Variants in DENND2D observed in about 807,000 individuals in gnomAD.
DENND2D encodes DENN domain containing 2D, also known as DENN domain-containing protein 2D.
DENND2D carries 37 observed loss-of-function variants against 59.8 expected under a neutral mutation model. That is an observed-to-expected ratio of 0.62 (90% CI 0.48 to 0.81). The LOEUF is 0.81. DENND2D is among the 40% of genes least tolerant of loss of function. The pLI is 0.00. For missense variants in DENND2D, 525 were observed against 579.7 expected (o/e 0.91, Z 0.97); for synonymous variants, 219 against 211.3 (o/e 1.04, Z -0.31).
At chr1:111,197,499 C>T (rs1439041889) in intron 4 of DENND2D, 4 of 1,406,340 alleles carry the variant, frequency 2.8e-6, no homozygotes, top group Non-Finnish European at 3.7e-6. Context: ...AGAGGGGTAG[C>T]AAGTGTGCCT....
chr1:111,193,201 C>T (rs1657937683), intron 7 of DENND2D, among the ~76,000 whole-genome samples: 1 of 152,202 alleles, frequency 6.6e-6, no homozygotes, highest in Non-Finnish European at 1.5e-5. Context: ...TTCTGGGTTT[C>T]AAGCTGGCAC....
At chr1:111,189,130 G>A (rs566764638) in intron 9 of DENND2D, 82 bp downstream of exon 9, 1 of 1,497,716 alleles carries the variant, frequency 6.7e-7, no homozygotes, top group Non-Finnish European at 9.3e-7. Flanking sequence ...TTAAATGTTT[G>A]TTTAAATAAG....
chr1:111,200,770 A>G, upstream of DENND2D: 10 of 1,172,554 alleles, frequency 8.5e-6, no homozygotes, highest in South Asian at 1.7e-4. Context: ...ATGAGCAAAC[A>G]CCTCTGGCTG....
chr1:111,204,208 G>T, upstream of DENND2D: 2 of 1,320,008 alleles, frequency 1.5e-6, no homozygotes, highest in Non-Finnish European at 9.8e-7. Context: ...GCCCCGTGCC[G>T]CCCTCCACCG....
Position 111,200,500 on chromosome 1 carries a change from A to T in DENND2D, c.-41T>A, listed in dbSNP as rs1658699490. 9 of 1,577,482 alleles carry T rather than the reference A, an allele frequency of 5.7e-6. No individual in the cohort carries two copies. In the African/African-American group the frequency reaches 1.1e-4, roughly 19 times the overall value. On this transcript the variant is annotated 5_prime_UTR_variant, in exon 1 of 12. An upstream open reading frame in the 5' UTR gains an earlier in-frame stop. Transcript: ENST00000357640. The stretch of plus-strand genomic sequence containing the variant: ...ACAGAGCGGACTCCCCTCTCCCCTA[A>T]CACAGACAGACTGGTGACAGTAAGC...
chr1:111,191,858 A>G (rs1035340011), intron 8 of DENND2D, among the ~76,000 whole-genome samples: 9 of 152,184 alleles, frequency 5.9e-5, no homozygotes, highest in African/African-American at 1.9e-4. Flanking sequence ...TGAATAAGCT[A>G]TCCACTGCCC....
chr1:111,194,664 C>G lies in DENND2D; in HGVS notation c.708G>C (p.Leu236Phe), dbSNP rs1191120509. Residue 236 changes from leucine to phenylalanine, a missense_variant, in exon 7 of 12, where the codon TTG becomes TTC. Coordinates refer to ENST00000357640, the MANE Select transcript of DENND2D (RefSeq NM_024901.5). ...GTATCTGTTCAAAACTGAGACAGTG[C>G]AATAGAGAACTAAAATCCACATGTT... The part of the protein sequence containing the change: ...HLEHVDFSSL[L>F]HCLSFEQILQ... The G allele has an allele frequency of 1.2e-6, 2 of 1,613,770 alleles. No homozygotes were observed. The highest frequency in any genetic ancestry group is 2.7e-5 in the African/African-American group (2 of 74,820).
chr1:111,192,350 G>A (rs777966206), intron 7 of DENND2D, 33 bp from the exon 8 acceptor site: 1 of 1,529,312 alleles, frequency 6.5e-7, no homozygotes, highest in Non-Finnish European at 8.9e-7. Flanking sequence ...AGAGTCAGGG[G>A]GCCCCTGCAC....
intron 6 of DENND2D, 163 bp downstream of exon 6, chr1:111,195,753 T>G (rs916251707): frequency 1.3e-5 from 12 of 955,464 alleles, no homozygotes; most frequent in Non-Finnish European, 1.7e-5. Context: ...GATCAGAAAA[T>G]CTGGGTTTGA....
chr1:111,191,992 C>G (rs1657818168), intron 8 of DENND2D, 148 bp downstream of exon 8: 10 of 786,874 alleles, frequency 1.3e-5, no homozygotes, highest in Non-Finnish European at 1.7e-5. Context: ...GAAGTGAACA[C>G]TGTTATCCCC....
Position 111,188,771 on chromosome 1 carries a change from C to G in DENND2D, c.1030G>C (p.Asp344His), listed in dbSNP as rs1208294678. 1 of 1,613,914 alleles carries G rather than the reference C, an allele frequency of 6.2e-7. No homozygotes were observed. Among genetic ancestry groups the G allele is most frequent in the Non-Finnish European group, 8.5e-7 (1 of 1,179,992 alleles). The stretch of plus-strand genomic sequence containing the variant: ...TCCTGAAGCTTCGGTGGCAGGATGT[C>G]TTTTTCATCACCAACCTAGAAGAGG... ...TFLMSVGDEK[D>H]ILPPKLQDDI... The change falls in exon 10 of 12, where the codon GAC (aspartate) becomes CAC (histidine). Residue 344 changes from aspartate to histidine, a missense_variant. Physicochemically the swap from Asp to His is moderately conservative, Grantham distance 81 (BLOSUM62 -1). Transcript: ENST00000357640.
chr1:111,199,742 G>A lies in DENND2D; in HGVS notation c.124C>T (p.His42Tyr), dbSNP rs1286882774. 1.2e-6 allele frequency: 2 copies of A among 1,614,028 alleles called. No homozygotes were observed. Among genetic ancestry groups the A allele is most frequent in the East Asian group, 2.2e-5 (1 of 44,880 alleles). ...ALKEPERAQE[H>Y]SLPNFAGGQH... The stretch of plus-strand genomic sequence containing the variant: ...CCCCCAGCAAAGTTGGGCAAAGAGT[G>A]CTCCTGGGCCCTTTCTGGTTCCTTT... The change falls in exon 2 of 12, where the codon CAC becomes TAC. Residue 42 changes from histidine (H) to tyrosine (Y), a missense_variant. Around this residue, in one of 3 missense-constraint regions of DENND2D, gnomAD observed 253 missense variants for 246.4 expected, o/e 1.03. Coordinates refer to ENST00000357640, the MANE Select transcript of DENND2D (RefSeq NM_024901.5).
At position 111,200,377 on chromosome 1, in the gene DENND2D, G is replaced by T; in HGVS notation, c.67+16C>A. On this transcript the variant is annotated intron_variant, in intron 1 of 11. Coordinates refer to ENST00000357640, the MANE Select transcript of DENND2D (RefSeq NM_024901.5). ...GGTCACCCTAAAAACAAGGAAGTAG[G>T]CAGTCCAGTCCTGACCTGCTCGGAG... is the stretch of plus-strand genomic sequence containing the variant. 6.2e-7 allele frequency: 1 copy of T among 1,609,374 alleles called. No individual in the cohort carries two copies. The highest frequency in any genetic ancestry group is 1.7e-5 in the Admixed American group (1 of 59,636).
chr1:111,198,334 G>A (rs1658451266), intron 3 of DENND2D, among the ~76,000 whole-genome samples: 1 of 152,194 alleles, frequency 6.6e-6, no homozygotes, highest in South Asian at 2.1e-4. Context: ...CCTTCTTGGA[G>A]GCTAACTGCT....
At chr1:111,190,174 A>AACAAAACAAAACAAAAC (rs77382405) in intron 8 of DENND2D, among the ~76,000 whole-genome samples, 19,250 of 148,774 alleles carry the variant, frequency 0.13, 1,824 homozygotes, top group South Asian at 0.3. Context: ...AAAAAAAAAA[A>AACAAAACAAAACAAAAC]AAAAAAAAAC....
Position 111,190,170 on chromosome 1 carries a change from A to AC in DENND2D, c.973-918_973-917insG, listed in dbSNP as rs1344702237. On this transcript the variant is annotated intron_variant, in intron 8 of 11. Coordinates refer to ENST00000357640, the MANE Select transcript of DENND2D (RefSeq NM_024901.5). ...CACAGCGAGACTCTGTCTCAAAAAA[A>AC]AAAAAAAAAAAAACTACCTCACAGC... Among the ~76,000 whole-genome samples, 376 of 149,742 alleles carry AC rather than the reference A, an allele frequency of 2.5e-3. 1 individual carries two copies. Among genetic ancestry groups the AC allele is most frequent in the African/African-American group, 8.0e-3 (322 of 40,358 alleles).
chr1:111,194,072 AT>A (rs1234181129), intron 7 of DENND2D, among the ~76,000 whole-genome samples: 1 of 152,222 alleles, frequency 6.6e-6, no homozygotes, highest in African/African-American at 2.4e-5. Flanking sequence ...GAAGAACTGG[AT>A]TTAAACCTCC....
chr1:111,187,877 A>C (rs1379056006), intron 11 of DENND2D, among the ~76,000 whole-genome samples, 196 bp from the exon 12 acceptor site: 2 of 152,244 alleles, frequency 1.3e-5, no homozygotes, highest in Non-Finnish European at 2.9e-5. Flanking sequence ...GAGGATACTT[A>C]GCAGGAATTA....
Position 111,188,372 on chromosome 1 carries a change from T to C in DENND2D, c.1100-2A>G, listed in dbSNP as rs745315718. The stretch of plus-strand genomic sequence containing the variant: ...CATGCTCGTTGATTTGTTCTGCAGC[T>C]GCAGGAGATATAAAGGCCATCTCAG... On this transcript the variant is annotated splice_acceptor_variant, in intron 10 of 11. Transcript: ENST00000357640. LOFTEE classifies it high-confidence loss of function. 6.2e-7 allele frequency: 1 copy of C among 1,613,034 alleles called. No individual in the cohort carries two copies. Among genetic ancestry groups the C allele is most frequent in the Non-Finnish European group, 8.5e-7 (1 of 1,179,658 alleles).
Sources: allele counts gnomAD v4.1 joint callset (sites outside exome capture counted in the v4.1 genomes callset), GRCh38; gene constraint gnomAD v4.1.1; regional missense constraint gnomAD v4.1.1; transcripts MANE v1.5; gene names NCBI Gene and HGNC (gene_info 2026-07-23, HGNC 2026-07-21).